Variants in TRPM3 observed in about 807,000 individuals in gnomAD.
TRPM3 encodes long transient receptor potential channel 3.
Under a neutral mutation model 181.2 loss-of-function variants are expected in TRPM3, and 77 were observed. The ratio of observed to expected loss-of-function variants is 0.42; its 90% CI spans 0.35 to 0.51. The LOEUF (loss-of-function observed/expected upper bound fraction) is 0.51, where lower values mean the gene tolerates loss of function less well. Ranked by LOEUF, TRPM3 falls within the 20% of genes least tolerant of loss-of-function variation. The probability of loss-of-function intolerance (pLI) is 0.01; values close to 1 mark genes in which losing one functional copy is unlikely to be tolerated. For missense variants in TRPM3, 1,759 were observed against 2,196.7 expected (o/e 0.80, Z 3.98); for synonymous variants, 745 against 796.4 (o/e 0.94, Z 1.09).
chr9:70,970,830 T>C (rs538831979), intron 1 of TRPM3, among the ~76,000 whole-genome samples: 1 of 152,244 alleles, frequency 6.6e-6, no homozygotes, highest in African/African-American at 2.4e-5. Flanking sequence ...CTGAGTGGTC[T>C]CCCCAAAAGA....
chr9:70,572,848 AC>A (rs1210596792), intron 22 of TRPM3, among the ~76,000 whole-genome samples: 1 of 152,212 alleles, frequency 6.6e-6, no homozygotes, highest in East Asian at 1.9e-4. Context: ...CCATCTAAAG[AC>A]AGTAAGTAAC....
chr9:70,887,043 G>A (rs1480252793), intron 1 of TRPM3, among the ~76,000 whole-genome samples: 1 of 152,152 alleles, frequency 6.6e-6, no homozygotes, highest in Non-Finnish European at 1.5e-5. Flanking sequence ...CAAAAGGAAG[G>A]ACATTCTTCT....
At chr9:71,008,944 C>A (rs993977554) in intron 1 of TRPM3, among the ~76,000 whole-genome samples, 3 of 152,190 alleles carry the variant, frequency 2.0e-5, no homozygotes, top group African/African-American at 7.2e-5. Context: ...AAATGTGGTA[C>A]ATCACATTAA....
chr9:71,051,343 T>C (rs1399605210), intron 1 of TRPM3, among the ~76,000 whole-genome samples: 2 of 152,336 alleles, frequency 1.3e-5, no homozygotes, highest in South Asian at 2.1e-4. Flanking sequence ...CTAAACATAC[T>C]AAATCACATT....
At chr9:70,548,913 T>C (rs536013827) in intron 25 of TRPM3, among the ~76,000 whole-genome samples, 2 of 152,132 alleles carry the variant, frequency 1.3e-5, no homozygotes, top group South Asian at 4.1e-4. Context: ...AGATTTTTCT[T>C]ATAGCTCTGC....
chr9:70,576,629 C>T (rs1233106756), intron 22 of TRPM3, among the ~76,000 whole-genome samples: 1 of 151,964 alleles, frequency 6.6e-6, no homozygotes, highest in East Asian at 1.9e-4. Flanking sequence ...GTTTTCCTGC[C>T]TCAGTCTCCC....
chr9:70,675,938 C>T (rs2063908788), intron 9 of TRPM3, among the ~76,000 whole-genome samples: 1 of 152,110 alleles, frequency 6.6e-6, no homozygotes, highest in East Asian at 1.9e-4. Context: ...TTAAAAAAGC[C>T]TAAAGCCCAT....
chr9:71,446,088 C>T (rs973084595), intron 1 of TRPM3, among the ~76,000 whole-genome samples: 1 of 152,172 alleles, frequency 6.6e-6, no homozygotes, highest in Non-Finnish European at 1.5e-5. Context: ...TGTCTGAACG[C>T]TGTATATGTT....
intron 1 of TRPM3, among the ~76,000 whole-genome samples, chr9:71,203,192 G>C (rs2078912615): frequency 1.3e-5 from 2 of 152,172 alleles, no homozygotes; most frequent in African/African-American, 4.8e-5. Context: ...ACATGCTTTG[G>C]AACAAGACAG....
At chr9:70,961,711 G>A (rs746780057) in intron 1 of TRPM3, among the ~76,000 whole-genome samples, 1 of 151,896 alleles carries the variant, frequency 6.6e-6, no homozygotes, top group Non-Finnish European at 1.5e-5. Flanking sequence ...AACTTCTCTG[G>A]GGATGGGGCT....
rs774194423 is a variant in TRPM3, at chr9:70,591,228, G to A, written c.3049-23C>T. The A allele has an allele frequency of 7.5e-6, 12 of 1,602,696 alleles. No homozygotes were observed. The African/African-American group carries it at 1.5e-4, about 20-fold the overall frequency. On this transcript the variant is annotated intron_variant, in intron 21 of 25. Coordinates refer to ENST00000677713, the MANE Select transcript of TRPM3 (RefSeq NM_001366145.2). ...CATCTGGAAGGGTGGGGAAGCAGAG[G>A]GAGAAACAAGAGAAAACCCATATGA...
At chr9:71,378,246 A>G (rs1411745805) in intron 1 of TRPM3, among the ~76,000 whole-genome samples, 3 of 152,126 alleles carry the variant, frequency 2.0e-5, no homozygotes, top group Non-Finnish European at 4.4e-5. Flanking sequence ...ATACAATTAA[A>G]TCACAGTAAG....
At chr9:71,003,403 TG>T (rs2097637195) in intron 1 of TRPM3, among the ~76,000 whole-genome samples, 1 of 95,868 alleles carries the variant, frequency 1.0e-5, no homozygotes, top group South Asian at 3.3e-4. Context: ...TTTGTGCATA[TG>T]GTTTTTTTTT....
chr9:71,307,351 G>C (rs541701360), intron 1 of TRPM3, among the ~76,000 whole-genome samples: 125 of 151,862 alleles, frequency 8.2e-4, no homozygotes, highest in African/African-American at 3.0e-3. Flanking sequence ...TGAATTTTAA[G>C]TTGTTGATTT....
chr9:71,290,957 A>G (rs80336487), intron 1 of TRPM3, among the ~76,000 whole-genome samples: 6,763 of 152,206 alleles, frequency 0.044, 224 homozygotes, highest in South Asian at 0.11. Flanking sequence ...GAAGACAGAT[A>G]TATCAGCAAT....
intron 1 of TRPM3, among the ~76,000 whole-genome samples, chr9:70,987,751 T>C (rs993142242): frequency 2.6e-5 from 4 of 152,256 alleles, no homozygotes; most frequent in Admixed American, 1.3e-4. Flanking sequence ...AGTAGAACAA[T>C]GATTAATTCT....
At chr9:71,056,662 A>T (rs1339972695) in intron 1 of TRPM3, among the ~76,000 whole-genome samples, 1 of 152,064 alleles carries the variant, frequency 6.6e-6, no homozygotes, top group African/African-American at 2.4e-5. Context: ...AAGAAGAAAA[A>T]ATTAGGACAC....
chr9:71,074,940 TAAAG>T (rs1275068229), intron 1 of TRPM3, among the ~76,000 whole-genome samples: 2 of 152,100 alleles, frequency 1.3e-5, no homozygotes, highest in African/African-American at 4.8e-5. Context: ...TAACCAATAA[TAAAG>T]AAATTCAAAT....
chr9:71,363,212 A>G (rs1349459898), intron 1 of TRPM3, among the ~76,000 whole-genome samples: 1 of 152,232 alleles, frequency 6.6e-6, no homozygotes, highest in Non-Finnish European at 1.5e-5. Context: ...TGAAATGAGA[A>G]GACATTTGAT....
Sources: gnomAD v4.1 joint callset for allele counts (sites outside exome capture counted in the v4.1 genomes callset) on GRCh38, gnomAD v4.1.1 for gene constraint, MANE v1.5 for transcripts, NCBI Gene and HGNC (gene_info 2026-07-23, HGNC 2026-07-21) for gene names.